TMEM163: variants seen among roughly 807,000 people sequenced by gnomAD.
The protein encoded by TMEM163 is transmembrane protein 163.
TMEM163 carries 17 observed loss-of-function variants against 29.3 expected under a neutral mutation model. The observed-to-expected ratio is 0.58, with a 90% CI of 0.40 to 0.87. The LOEUF (loss-of-function observed/expected upper bound fraction) is 0.87. TMEM163 is among the 40% of genes least tolerant of loss of function. TMEM163 has a pLI of 0.00. For missense variants in TMEM163, 303 were observed against 381.5 expected (o/e 0.79, Z 1.71); for synonymous variants, 157 against 160.6 (o/e 0.98, Z 0.17).
chr2:134,539,787 T>C (rs1318708623), intron 4 of TMEM163, among the ~76,000 whole-genome samples: 2 of 152,174 alleles, frequency 1.3e-5, no homozygotes, highest in Non-Finnish European at 2.9e-5. Context: ...GCTCTGAGCC[T>C]AAAACTTCAA....
intron 2 of TMEM163, among the ~76,000 whole-genome samples, chr2:134,639,659 C>T (rs555181223): frequency 3.2e-4 from 49 of 152,228 alleles, no homozygotes; most frequent in African/African-American, 9.1e-4. Context: ...TATAGCAAAC[C>T]GTCTGCTAAA....
chr2:134,615,134 G>C (rs908255844), intron 2 of TMEM163, among the ~76,000 whole-genome samples: 6 of 152,108 alleles, frequency 3.9e-5, no homozygotes, highest in African/African-American at 1.4e-4. Context: ...AAAAACTATG[G>C]ATGGATTTCA....
chr2:134,692,502 G>T (rs1249234914), intron 2 of TMEM163, among the ~76,000 whole-genome samples: 1 of 152,084 alleles, frequency 6.6e-6, no homozygotes, highest in African/African-American at 2.4e-5. Flanking sequence ...CAGGCTGGGG[G>T]ACTTCAACAC....
At chr2:134,573,405 T>A (rs1326322606) in intron 2 of TMEM163, among the ~76,000 whole-genome samples, 8 of 151,228 alleles carry the variant, frequency 5.3e-5, no homozygotes. Flanking sequence ...GGGGGCACTT[T>A]TAGCCGCCAG....
chr2:134,683,907 T>A lies in TMEM163; in HGVS notation c.322+29293A>T, dbSNP rs117351392. ...CTTTTAGCACTGGTGACTATGGACA[T>A]AATATGCCCTCAATTTATAGAGGCC... On this transcript the variant is annotated intron_variant, in intron 2 of 7. Coordinates refer to ENST00000281924, the MANE Select transcript of TMEM163 (RefSeq NM_030923.5). Among the ~76,000 whole-genome samples, 109 of 152,302 alleles carry A rather than the reference T, an allele frequency of 7.2e-4. 2 individuals carry two copies. In the East Asian group the frequency reaches 0.015, roughly 21 times the overall value.
intron 2 of TMEM163, among the ~76,000 whole-genome samples, chr2:134,554,155 T>C (rs1482424587): frequency 1.3e-5 from 2 of 152,090 alleles, no homozygotes; most frequent in African/African-American, 4.8e-5. Flanking sequence ...CCAGGCATGG[T>C]GGCTCACACC....
chr2:134,705,712 A>G (rs943154597), intron 2 of TMEM163, among the ~76,000 whole-genome samples: 4 of 152,202 alleles, frequency 2.6e-5, no homozygotes, highest in African/African-American at 9.7e-5. Context: ...AATTCACCTG[A>G]CAGAGGCAAT....
intron 2 of TMEM163, among the ~76,000 whole-genome samples, chr2:134,556,288 T>A (rs1259382125): frequency 6.6e-6 from 1 of 152,232 alleles, no homozygotes; most frequent in Non-Finnish European, 1.5e-5. Flanking sequence ...TGAGTTTCTA[T>A]CACTTCCAGC....
intron 1 of TMEM163, 70 bp downstream of exon 1, chr2:134,718,664 C>G (rs1685092942): frequency 6.5e-6 from 7 of 1,077,962 alleles, no homozygotes; most frequent in Non-Finnish European, 2.3e-6. Context: ...CAGCGCGGCC[C>G]GCGAGTGGGG....
Position 134,718,755 on chromosome 2 carries a change from T to G in TMEM163, c.181A>C (p.Ser61Arg), listed in dbSNP as rs1176419796. The G allele has an allele frequency of 4.3e-6, 5 of 1,153,196 alleles. No homozygotes were observed. The highest frequency in any genetic ancestry group is 4.3e-6 in the Non-Finnish European group (4 of 937,932). 71.4% of individuals were successfully genotyped at this position (1,153,196 alleles called of 1,614,324 possible). A position where few individuals can be genotyped will look rare whatever the true frequency, so the allele number is the denominator to read the frequency against. Residue 61 changes from serine (S) to arginine (R), a missense_variant, in exon 1 of 8, where the codon AGC (serine) becomes CGC (arginine). By Grantham distance (110) the Ser-to-Arg change is moderately radical (BLOSUM62 -1). Around this residue, in one of 2 missense-constraint regions of TMEM163, gnomAD observed 100 missense variants for 87.2 expected, o/e 1.15. Coordinates refer to ENST00000281924, the MANE Select transcript of TMEM163 (RefSeq NM_030923.5). ...TCACCTCGGTCCTCCAGCCCGTCGCTGAACTGGCCGCTCTCGCTGATCCGC... is the reference window on the plus strand; with the variant it reads ...TCACCTCGGTCCTCCAGCCCGTCGCGGAACTGGCCGCTCTCGCTGATCCGC... ...QVRISESGQFSDGLEDRGLLE... is the reference protein window; with the variant it reads ...QVRISESGQFRDGLEDRGLLE...
intron 2 of TMEM163, among the ~76,000 whole-genome samples, chr2:134,603,140 A>T (rs1444968042): frequency 6.6e-6 from 1 of 152,120 alleles, no homozygotes; most frequent in Non-Finnish European, 1.5e-5. Flanking sequence ...CCAGCCCCAT[A>T]GCCACAACTA....
chr2:134,551,952 T>C (rs1680939824), intron 3 of TMEM163, 96 bp downstream of exon 3: 9 of 968,070 alleles, frequency 9.3e-6, no homozygotes, highest in Admixed American at 4.4e-5. Context: ...TAAGCTCTCA[T>C]ACACTAACCA....
intron 2 of TMEM163, among the ~76,000 whole-genome samples, chr2:134,595,970 TC>T (rs997670166): frequency 3.3e-5 from 5 of 152,252 alleles, no homozygotes; most frequent in African/African-American, 7.2e-5. Context: ...GTTGTTTTTT[TC>T]TTATAAATTT....
At chr2:134,704,069 T>C (rs900846288) in intron 2 of TMEM163, among the ~76,000 whole-genome samples, 1 of 152,070 alleles carries the variant, frequency 6.6e-6, no homozygotes, top group Non-Finnish European at 1.5e-5. Context: ...CTTTCTAATA[T>C]TGGATTGTGA....
chr2:134,458,487 G>A (rs1333043288), intron 6 of TMEM163: 3 of 336,054 alleles, frequency 8.9e-6, no homozygotes, highest in South Asian at 3.5e-5. Flanking sequence ...AGAGGCAGGG[G>A]TGTGGTTTTC....
chr2:134,708,836 C>T (rs182983127), intron 2 of TMEM163, among the ~76,000 whole-genome samples: 5 of 152,254 alleles, frequency 3.3e-5, no homozygotes, highest in African/African-American at 4.8e-5. Flanking sequence ...GATCCACCCA[C>T]CCCAGCCTCC....
intron 1 of TMEM163, among the ~76,000 whole-genome samples, chr2:134,715,511 A>C (rs1386667943): frequency 1.3e-5 from 2 of 152,260 alleles, no homozygotes; most frequent in Non-Finnish European, 2.9e-5. Context: ...AAATGGAAGG[A>C]CTTTCCCATT....
At chr2:134,588,975 G>A (rs1681881316) in intron 2 of TMEM163, among the ~76,000 whole-genome samples, 1 of 152,162 alleles carries the variant, frequency 6.6e-6, no homozygotes, top group African/African-American at 2.4e-5. Flanking sequence ...TCACATTAGA[G>A]GGAATAGGCG....
chr2:134,712,399 C>G (rs1440057484), intron 2 of TMEM163, among the ~76,000 whole-genome samples: 1 of 151,878 alleles, frequency 6.6e-6, no homozygotes, highest in East Asian at 1.9e-4. Flanking sequence ...ATGCCTATCA[C>G]TGAGAAAATA....
Sources: allele counts gnomAD v4.1 joint callset (sites outside exome capture counted in the v4.1 genomes callset), GRCh38; gene constraint gnomAD v4.1.1; regional missense constraint gnomAD v4.1.1; transcripts MANE v1.5; gene names NCBI Gene and HGNC (gene_info 2026-07-23, HGNC 2026-07-21).